The following GABPA variants were observed in gnomAD, a reference collection of about 807,000 sequenced individuals.
The protein encoded by GABPA is GA-binding protein alpha chain.
A neutral mutation model predicts 59.4 loss-of-function variants in GABPA; 4 were observed. The ratio of observed to expected loss-of-function variants is 0.07; its 90% CI spans 0.03 to 0.15. GABPA has a LOEUF of 0.15. GABPA is among the 10% of genes least tolerant of loss of function. The pLI is 1.00. For missense variants in GABPA, 251 were observed against 543.8 expected (o/e 0.46, Z 5.36); for synonymous variants, 164 against 183.1 (o/e 0.90, Z 0.84).
intron 4 of GABPA, among the ~76,000 whole-genome samples, chr21:25,751,529 C>T (rs1010124630): frequency 2.6e-5 from 4 of 151,670 alleles, no homozygotes; most frequent in African/African-American, 9.7e-5. Context: ...ATTTTTAACA[C>T]ATCTACTTTG....
At position 25,753,096 on chromosome 21, in the gene GABPA, A is replaced by G. The variant is rs571089269; in HGVS notation, c.553+862A>G. 1.4e-3 allele frequency among the ~76,000 whole-genome samples: 217 copies of G among 152,278 alleles called. 1 individual carries two copies. Among genetic ancestry groups the G allele is most frequent in the African/African-American group, 5.1e-3 (212 of 41,556 alleles). ...TCCATCATCATTACATATTTAGTGA[A>G]CACTACCGTACACCAGGCACCATGT... On this transcript the variant is annotated intron_variant, in intron 5 of 9. Transcript: ENST00000400075.
chr21:25,741,784 T>A, intron 2 of GABPA, 109 bp downstream of exon 2: 1 of 631,738 alleles, frequency 1.6e-6, no homozygotes, highest in Non-Finnish European at 2.7e-6. Flanking sequence ...CTGTTCTCAG[T>A]ATTTTAGGGA....
chr21:25,734,994 A>C lies in GABPA; in HGVS notation c.-611A>C, dbSNP rs2034975189. On this transcript the variant is annotated 5_prime_UTR_variant, in exon 1 of 10. Coordinates refer to ENST00000400075, the MANE Select transcript of GABPA (RefSeq NM_002040.4). ...TTCAGTCGGTCGACGCTCACCGGAC[A>C]GGAAGCGTCTCGGAGACAGTCTGCG... The C allele has an allele frequency of 1.9e-6, 3 of 1,549,362 alleles. No individual in the cohort carries two copies. The highest frequency in any genetic ancestry group is 1.4e-5 in the African/African-American group (1 of 73,246).
intron 1 of GABPA, among the ~76,000 whole-genome samples, 178 bp from the exon 2 acceptor site, chr21:25,741,395 A>G (rs2035217773): frequency 6.6e-6 from 1 of 151,822 alleles, no homozygotes; most frequent in African/African-American, 2.4e-5. Context: ...TGGCCTCCCA[A>G]AGTCCTGGGA....
chr21:25,761,237 C>CT (rs1285182541), intron 6 of GABPA, among the ~76,000 whole-genome samples: 1 of 152,086 alleles, frequency 6.6e-6, no homozygotes, highest in Non-Finnish European at 1.5e-5. Context: ...AAACATGTTT[C>CT]TTTAATCCTC....
chr21:25,758,533 A>G (rs1247362402), intron 6 of GABPA, among the ~76,000 whole-genome samples: 1 of 152,192 alleles, frequency 6.6e-6, no homozygotes, highest in African/African-American at 2.4e-5. Flanking sequence ...TGTGCCCTAC[A>G]CTTAGCCCTC....
intron 4 of GABPA, among the ~76,000 whole-genome samples, chr21:25,751,411 C>T (rs1408835921): frequency 6.6e-6 from 1 of 151,038 alleles, no homozygotes; most frequent in East Asian, 1.9e-4. Context: ...CAGTTCTTAA[C>T]ACCTTTATAC....
Position 25,748,378 on chromosome 21 carries a change from T to G in GABPA, c.223-658T>G, listed in dbSNP as rs71649689. 2.9e-3 allele frequency among the ~76,000 whole-genome samples: 445 copies of G among 152,360 alleles called. 3 individuals are homozygous for G. The highest frequency in any genetic ancestry group is 0.01 in the African/African-American group (427 of 41,588). On this transcript the variant is annotated intron_variant, in intron 3 of 9. Transcript: ENST00000400075. ...AAGATGATTATAATGGAAGCCTGTCTTTAAGCTGATGACAGAAAGTGTCTG... is the reference window on the plus strand; with the variant it reads ...AAGATGATTATAATGGAAGCCTGTCGTTAAGCTGATGACAGAAAGTGTCTG...
At chr21:25,759,720 T>G (rs754643390) in intron 6 of GABPA, among the ~76,000 whole-genome samples, 15 of 152,186 alleles carry the variant, frequency 9.9e-5, no homozygotes, top group Non-Finnish European at 1.9e-4. Context: ...AGCTTTGTCC[T>G]TGGTTTCACA....
At chr21:25,743,912 C>T (rs984307699) in intron 2 of GABPA, among the ~76,000 whole-genome samples, 4 of 151,780 alleles carry the variant, frequency 2.6e-5, no homozygotes, top group Non-Finnish European at 4.4e-5. Flanking sequence ...GGCATGGTGG[C>T]GCATGCCTGT....
chr21:25,762,720 A>AT (rs1432349939), intron 7 of GABPA, among the ~76,000 whole-genome samples: 1 of 152,230 alleles, frequency 6.6e-6, no homozygotes, highest in African/African-American at 2.4e-5. Flanking sequence ...GTAGCATCCA[A>AT]TTGAAATATC....
At chr21:25,764,909 T>C in intron 9 of GABPA, 122 bp downstream of exon 9, 1 of 637,888 alleles carries the variant, frequency 1.6e-6, no homozygotes, top group Non-Finnish European at 2.4e-6. Flanking sequence ...TATGTTTTTT[T>C]CTTTACATAT....
chr21:25,761,203 T>C (rs957076494), intron 6 of GABPA, among the ~76,000 whole-genome samples: 32 of 152,218 alleles, frequency 2.1e-4, no homozygotes, highest in African/African-American at 7.0e-4. Context: ...AAAAAGTAAC[T>C]GTTTTGTGCA....
intron 1 of GABPA, among the ~76,000 whole-genome samples, chr21:25,737,680 A>C (rs1278742139): frequency 6.6e-6 from 1 of 152,170 alleles, no homozygotes; most frequent in East Asian, 1.9e-4. Flanking sequence ...TGGCTACATC[A>C]TAATGCTTTT....
rs1601097784 is a variant in GABPA at position 25,735,114 on chromosome 21, C to T, written c.-491C>T. The T allele has an allele frequency of 4.0e-6, 3 of 751,418 alleles. No individual in the cohort carries two copies. Among genetic ancestry groups the T allele is most frequent in the East Asian group, 5.4e-5 (2 of 37,094 alleles). 46.5% of individuals were successfully genotyped at this position (751,418 alleles called of 1,614,324 possible). On this transcript the variant is annotated 5_prime_UTR_variant, in exon 1 of 10. Transcript: ENST00000400075. ...CCTGGCACAGCCTCCGCCATCTTTT[C>T]TTCGCCTAATTTGACCCGTTCTTTT...
intron 2 of GABPA, among the ~76,000 whole-genome samples, chr21:25,744,295 C>T (rs898222599): frequency 2.6e-5 from 4 of 151,536 alleles, no homozygotes; most frequent in Admixed American, 6.6e-5. Context: ...AGTTTGAGGC[C>T]GGCCTGGTGT....
intron 4 of GABPA, among the ~76,000 whole-genome samples, chr21:25,749,846 T>TA (rs769888326): frequency 3.4e-4 from 52 of 152,094 alleles, no homozygotes; most frequent in Non-Finnish European, 6.3e-4. Flanking sequence ...AGTCAATCAA[T>TA]AAAAAAATAG....
Position 25,768,999 on chromosome 21 carries a change from TGAAGATA to T in GABPA, c.1137-4_1139del, listed in dbSNP as rs1314373128. 1.3e-6 allele frequency: 2 copies of T among 1,592,068 alleles called. No homozygotes were observed. Among genetic ancestry groups the T allele is most frequent in the Non-Finnish European group, 8.6e-7 (1 of 1,165,438 alleles). On this transcript the variant is annotated splice_acceptor_variant and splice_polypyrimidine_tract_variant and coding_sequence_variant and intron_variant, in exon 10 of 10. Transcript: ENST00000400075. LOFTEE classifies it high-confidence loss of function. ...AGTCTCTAATTTTTTTTTCTCTTTT[TGAAGATA>T]TTATTACGATGGGGACATGATTTGT...
At chr21:25,764,556 A>C in intron 8 of GABPA, 39 bp from the exon 9 acceptor site, 2 of 1,568,516 alleles carry the variant, frequency 1.3e-6, no homozygotes, top group Non-Finnish European at 1.7e-6. Flanking sequence ...GCTAATCTAT[A>C]ACACTATAGC....
Sources: allele counts gnomAD v4.1 joint callset (sites outside exome capture counted in the v4.1 genomes callset), GRCh38; gene constraint gnomAD v4.1.1; transcripts MANE v1.5; gene names NCBI Gene and HGNC (gene_info 2026-07-23, HGNC 2026-07-21).